Variants in LMF1 observed in about 807,000 individuals in gnomAD.
LMF1 encodes lipase maturation factor 1.
In LMF1, 68 loss-of-function variants were observed where a neutral mutation model predicts 60.6. The observed-to-expected ratio is 1.12, with a 90% CI of 0.92 to 1.37. The LOEUF is 1.37. Among genes scored for constraint, LMF1 ranks in the 40% most tolerant of loss-of-function variants. The pLI is 0.00. For missense variants in LMF1, 948 were observed against 767.2 expected, an observed-to-expected ratio of 1.24 and a Z score of -2.78; for synonymous variants, 418 against 324.7, an observed-to-expected ratio of 1.29 and a Z score of -3.09.
At chr16:969,468 A>C (rs181630225) in intron 1 of LMF1, among the ~76,000 whole-genome samples, 264 of 152,360 alleles carry the variant, frequency 1.7e-3, no homozygotes, top group African/African-American at 6.1e-3. Context: ...AGTATCACAC[A>C]AATGTCACAC....
At chr16:980,760 C>T (rs2073330517) in intron 1 of LMF1, 4 of 152,118 alleles carry the variant, frequency 2.6e-5, no homozygotes, top group South Asian at 2.1e-4. Flanking sequence ...GGGGCAATGT[C>T]CCCTCTCCGA....
intron 9 of LMF1, 70 bp from the exon 10 acceptor site, chr16:869,126 G>C (rs1443803642): frequency 1.3e-5 from 13 of 1,013,674 alleles, no homozygotes; most frequent in South Asian, 7.6e-5. Flanking sequence ...CCGGACGCTC[G>C]GCTGTGCCCT....
rs1182607266 is a variant in LMF1 at position 854,310 on chromosome 16, A to C, written c.*222T>G. ...GATCAGAGCCCCTGGCGCCTGGGAC[A>C]AGGGTTGGCCTGGATGTGGGGCCCC... On this transcript the variant is annotated 3_prime_UTR_variant, in exon 11 of 11. Transcript: ENST00000262301. 2.9e-6 allele frequency: 2 copies of C among 692,360 alleles called. No homozygotes were observed. Among genetic ancestry groups the C allele is most frequent in the South Asian group, 1.5e-5 (1 of 66,584 alleles). 42.9% of individuals were successfully genotyped at this position (692,360 alleles called of 1,614,324 possible). A position where few individuals can be genotyped will look rare whatever the true frequency, so the allele number is the denominator to read the frequency against.
intron 10 of LMF1, among the ~76,000 whole-genome samples, chr16:863,197 G>A (rs1286827981): frequency 6.6e-6 from 1 of 152,148 alleles, no homozygotes; most frequent in Non-Finnish European, 1.5e-5. Context: ...ACAGAATCTT[G>A]TGGTGTCGCC....
chr16:886,047 T>C (rs969161054), intron 5 of LMF1, among the ~76,000 whole-genome samples: 3 of 152,244 alleles, frequency 2.0e-5, no homozygotes, highest in Non-Finnish European at 2.9e-5. Context: ...AACAGAAAGA[T>C]ATCTGGAAAA....
intron 3 of LMF1, among the ~76,000 whole-genome samples, chr16:922,814 G>A (rs1283519676): frequency 1.4e-4 from 15 of 108,776 alleles, no homozygotes; most frequent in Admixed American, 1.2e-3. Flanking sequence ...TGGTGTTGGC[G>A]TCGTGTTGTT....
At chr16:916,556 G>A (rs939273165) in intron 3 of LMF1, among the ~76,000 whole-genome samples, 1 of 152,234 alleles carries the variant, frequency 6.6e-6, no homozygotes, top group Admixed American at 6.5e-5. Flanking sequence ...CTGGATGATG[G>A]GGGCTGGGGA....
chr16:934,627 G>T (rs374999378), intron 2 of LMF1: 4 of 303,216 alleles, frequency 1.3e-5, no homozygotes, highest in Non-Finnish European at 2.5e-5. Context: ...GACCTCGAGC[G>T]CAGCTCATTA....
At chr16:920,225 C>G (rs944236522) in intron 3 of LMF1, among the ~76,000 whole-genome samples, 2 of 151,290 alleles carry the variant, frequency 1.3e-5, no homozygotes, top group Admixed American at 6.6e-5. Flanking sequence ...GCCCCCGACA[C>G]GACATCCACA....
intron 2 of LMF1, among the ~76,000 whole-genome samples, chr16:948,711 ACGACAGAG>A (rs2072327108): frequency 7.9e-6 from 1 of 127,048 alleles, no homozygotes; most frequent in African/African-American, 3.0e-5. Flanking sequence ...ATCAGAGACA[ACGACAGAG>A]TCAGCCAATG....
At position 854,452 on chromosome 16, in the gene LMF1, G is replaced by A; in HGVS notation, c.*80C>T. The stretch of plus-strand genomic sequence containing the variant: ...TCCACGTCTCTCTTGGCGATGCCCA[G>A]CTTGGGCTGGGCGCAGGGAAGGGCA... On this transcript the variant is annotated 3_prime_UTR_variant, in exon 11 of 11. Coordinates refer to ENST00000262301, the MANE Select transcript of LMF1 (RefSeq NM_022773.4). The A allele has an allele frequency of 7.1e-7, 1 of 1,409,292 alleles. No individual in the cohort carries two copies. The highest frequency in any genetic ancestry group is 2.0e-5 in the Admixed American group (1 of 50,548). The allele number at this position is 1,409,292 out of a possible 1,614,324, so 87.3% of individuals were successfully genotyped here. A position where few individuals can be genotyped will look rare whatever the true frequency, so the allele number is the denominator to read the frequency against.
intron 3 of LMF1, chr16:931,509 C>G: frequency 1.6e-6 from 1 of 613,872 alleles, no homozygotes; most frequent in Non-Finnish European, 2.4e-6. Context: ...AACGCACGCA[C>G]AAACTGCATT....
At chr16:906,793 G>A (rs1298827263) in intron 4 of LMF1, among the ~76,000 whole-genome samples, 1 of 152,086 alleles carries the variant, frequency 6.6e-6, no homozygotes, top group Non-Finnish European at 1.5e-5. Flanking sequence ...TAGGTCCTTG[G>A]CATTTCCATA....
intron 5 of LMF1, among the ~76,000 whole-genome samples, chr16:889,020 C>T (rs1596914530): frequency 6.6e-6 from 1 of 152,322 alleles, no homozygotes; most frequent in Non-Finnish European, 1.5e-5. Context: ...GAGCAAGCGG[C>T]CGTCCATGCA....
intron 10 of LMF1, among the ~76,000 whole-genome samples, chr16:863,975 G>A (rs2069540880): frequency 6.7e-6 from 1 of 150,050 alleles, no homozygotes; most frequent in Non-Finnish European, 1.5e-5. Flanking sequence ...CCTGCCTGTC[G>A]ATGATGGTGC....
At chr16:949,180 G>A (rs1313036767) in intron 2 of LMF1, among the ~76,000 whole-genome samples, 2 of 146,204 alleles carry the variant, frequency 1.4e-5, no homozygotes, top group Admixed American at 6.9e-5. Flanking sequence ...GTCAGCCAAC[G>A]ACAGAGTCAG....
intron 4 of LMF1, among the ~76,000 whole-genome samples, chr16:895,201 G>A (rs888892852): frequency 4.6e-5 from 7 of 152,204 alleles, no homozygotes; most frequent in East Asian, 3.9e-4. Context: ...AGCAGGGGCC[G>A]GAGCTGCTGT....
At chr16:977,384 G>A (rs117661550) in intron 1 of LMF1, among the ~76,000 whole-genome samples, 1,665 of 152,258 alleles carry the variant, frequency 0.011, 20 homozygotes, top group South Asian at 0.087. Context: ...CTGGAGACCC[G>A]TCCGGGGGCG....
intron 10 of LMF1, among the ~76,000 whole-genome samples, chr16:861,901 G>A (rs2069477964): frequency 6.6e-6 from 1 of 152,192 alleles, no homozygotes; most frequent in East Asian, 1.9e-4. Context: ...CGAGGAGAAT[G>A]CTGGCTGCAG....
Sources: gnomAD v4.1 joint callset for allele counts (sites outside exome capture counted in the v4.1 genomes callset) on GRCh38, gnomAD v4.1.1 for gene constraint, MANE v1.5 for transcripts, NCBI Gene and HGNC (gene_info 2026-07-23, HGNC 2026-07-21) for gene names.